CTNNA1: variants seen among roughly 807,000 people sequenced by gnomAD.
CTNNA1 encodes the protein catenin alpha-1.
CTNNA1 carries 37 observed loss-of-function variants against 98.4 expected under a neutral mutation model. The observed-to-expected ratio is 0.38, with a 90% CI of 0.29 to 0.49. The LOEUF is 0.49. CTNNA1 is among the 20% of genes least tolerant of loss of function. The pLI is 0.95. For missense variants in CTNNA1, 761 were observed against 1,147.2 expected (o/e 0.66, Z 4.86); for synonymous variants, 404 against 413.2 (o/e 0.98, Z 0.27).
chr5:138,885,334 G>A (rs1313638455), intron 7 of CTNNA1, among the ~76,000 whole-genome samples: 1 of 152,088 alleles, frequency 6.6e-6, no homozygotes, highest in Non-Finnish European at 1.5e-5. Context: ...ATTATTTGCT[G>A]ACATGTTTTT....
intron 1 of CTNNA1, among the ~76,000 whole-genome samples, chr5:138,759,272 A>AT (rs1387494643): frequency 8.6e-5 from 13 of 152,012 alleles, no homozygotes; most frequent in Non-Finnish European, 4.4e-5. Flanking sequence ...GGTTTGCTGG[A>AT]TTTTTTTGTT....
At chr5:138,881,582 CCTT>C (rs1752918502) in intron 7 of CTNNA1, among the ~76,000 whole-genome samples, 1 of 152,194 alleles carries the variant, frequency 6.6e-6, no homozygotes, top group Admixed American at 6.5e-5. Context: ...CTCTCAGAAA[CCTT>C]CTTGGTTGTG....
At chr5:138,920,589 C>T (rs11750067) in intron 11 of CTNNA1, among the ~76,000 whole-genome samples, 39,437 of 152,148 alleles carry the variant, frequency 0.26, 5,384 homozygotes, top group Middle Eastern at 0.32. Flanking sequence ...AGGGATGCAC[C>T]CTGACTTCTT....
rs565258337 is a variant in CTNNA1 at position 138,884,379 on chromosome 5, T to C, written c.1063-1833T>C. The stretch of plus-strand genomic sequence containing the variant: ...TAGGCTTCAGATATTAGATGGCAAA[T>C]CAGATCCTAAAAGGTGCCAGATTCT... On this transcript the variant is annotated intron_variant, in intron 7 of 17. Transcript: ENST00000302763. Among the ~76,000 whole-genome samples the C allele has an allele frequency of 4.0e-4, 61 of 152,164 alleles. 1 individual carries two copies. The highest frequency in any genetic ancestry group is 7.2e-4 in the Admixed American group (11 of 15,276).
chr5:138,929,130 C>T, intron 13 of CTNNA1, 116 bp from the exon 14 acceptor site: 7 of 766,240 alleles, frequency 9.1e-6, no homozygotes, highest in Non-Finnish European at 1.7e-5. Context: ...GTTCAGAACA[C>T]TGCACATTAA....
rs1760845021 is a variant in CTNNA1 at position 138,827,541 on chromosome 5, C to T, written c.885C>T (p.Ser295=). ...FDKQIIVDPL[S]FSEERFRPSL... ...AACAAATCATTGTGGACCCCTTGAG[C>T]TTCAGCGAGGAGCGCTTTAGGCCTT... The change falls in exon 7 of 18, where the codon AGC becomes AGT. Residue 295 remains serine, a synonymous_variant. Coordinates refer to ENST00000302763, the MANE Select transcript of CTNNA1 (RefSeq NM_001903.5). The T allele has an allele frequency of 6.2e-7, 1 of 1,614,260 alleles. No individual in the cohort carries two copies. Among genetic ancestry groups the T allele is most frequent in the Non-Finnish European group, 8.5e-7 (1 of 1,180,046 alleles).
chr5:138,827,349 A>T (rs1760825582), intron 6 of CTNNA1, among the ~76,000 whole-genome samples, 166 bp from the exon 7 acceptor site: 2 of 152,148 alleles, frequency 1.3e-5, no homozygotes, highest in Non-Finnish European at 2.9e-5. Flanking sequence ...GATCAACAGT[A>T]GGCCATCTTC....
rs1238692401 is a variant in CTNNA1 at position 138,817,042 on chromosome 5, GTTGAGTTGT to G, written c.588+4753_588+4761del. The stretch of plus-strand genomic sequence containing the variant: ...AAATCAGATTATTTGAGTTTTTGCT[GTTGAGTTGT>G]TTGAGTTGTTTGTATATTCTAGATA... On this transcript the variant is annotated intron_variant, in intron 5 of 17. Coordinates refer to ENST00000302763, the MANE Select transcript of CTNNA1 (RefSeq NM_001903.5). Among the ~76,000 whole-genome samples, 11 of 152,256 alleles carry G rather than the reference GTTGAGTTGT, an allele frequency of 7.2e-5. No individual in the cohort carries two copies. In the East Asian group the frequency reaches 2.1e-3, roughly 29 times the overall value.
In CTNNA1 at chr5:138,850,210, C is replaced by T. The variant is rs186949668; in HGVS notation, c.1062+22492C>T. The stretch of plus-strand genomic sequence containing the variant: ...CATGCCCTCTTTTGGCCAAACCATC[C>T]GCAATTTGTGCTCTCCCTGTCTTCT... On this transcript the variant is annotated intron_variant, in intron 7 of 17. Transcript: ENST00000302763. 1.8e-3 allele frequency among the ~76,000 whole-genome samples: 272 copies of T among 152,266 alleles called. 1 individual carries two copies. The highest frequency in any genetic ancestry group is 2.9e-3 in the Non-Finnish European group (196 of 68,014).
chr5:138,932,251 T>G, intron 16 of CTNNA1: 1 of 1,109,544 alleles, frequency 9.0e-7, no homozygotes, highest in Non-Finnish European at 1.1e-6. Context: ...CACCCTGCCG[T>G]TTGGGGTGAG....
intron 1 of CTNNA1, among the ~76,000 whole-genome samples, chr5:138,761,021 G>A (rs569488164): frequency 1.3e-5 from 2 of 152,316 alleles, no homozygotes; most frequent in Non-Finnish European, 2.9e-5. Context: ...GTTCAGGAAC[G>A]TTCCTTGTCA....
At chr5:138,868,334 A>G (rs1764996544) in intron 7 of CTNNA1, among the ~76,000 whole-genome samples, 1 of 152,138 alleles carries the variant, frequency 6.6e-6, no homozygotes, top group South Asian at 2.1e-4. Flanking sequence ...GTAGTTTAAA[A>G]TCTTCCCTTC....
At chr5:138,931,928 A>C in intron 16 of CTNNA1, 2 of 985,440 alleles carry the variant, frequency 2.0e-6, no homozygotes, top group Non-Finnish European at 2.4e-6. Context: ...CTTTGGGTAA[A>C]GCTTTCTAGG....
In CTNNA1 at chr5:138,824,812, T is replaced by C. The variant is rs749333747; in HGVS notation, c.858+13T>C. 3.7e-6 allele frequency: 6 copies of C among 1,605,914 alleles called. No homozygotes were observed. The highest frequency in any genetic ancestry group is 3.3e-5 in the Admixed American group (2 of 59,910). On this transcript the variant is annotated intron_variant, in intron 6 of 17. Coordinates refer to ENST00000302763, the MANE Select transcript of CTNNA1 (RefSeq NM_001903.5). ...CAATAACTTTGACGTAAGTTATGCT[T>C]GGGTGGAAATTTCCAGCTCTTGACC...
At chr5:138,922,189 T>A (rs1040046756) in intron 11 of CTNNA1, among the ~76,000 whole-genome samples, 4 of 152,182 alleles carry the variant, frequency 2.6e-5, no homozygotes, top group Admixed American at 6.5e-5. Context: ...GTACCATACT[T>A]CTACTTTAAA....
intron 5 of CTNNA1, among the ~76,000 whole-genome samples, chr5:138,816,991 G>C (rs985212445): frequency 6.6e-6 from 1 of 152,162 alleles, no homozygotes; most frequent in African/African-American, 2.4e-5. Flanking sequence ...GTGACCCACC[G>C]TGCCCGGCTA....
At chr5:138,842,835 A>ATTTT (rs1762384703) in intron 7 of CTNNA1, among the ~76,000 whole-genome samples, 1 of 152,190 alleles carries the variant, frequency 6.6e-6, no homozygotes, top group Non-Finnish European at 1.5e-5. Context: ...GGCAGTTAAA[A>ATTTT]AACACCTGAC....
At position 138,827,496 on chromosome 5, in the gene CTNNA1, G is replaced by C; in HGVS notation, c.859-19G>C. 6.2e-7 allele frequency: 1 copy of C among 1,613,166 alleles called. No homozygotes were observed. Among genetic ancestry groups the C allele is most frequent in the Non-Finnish European group, 8.5e-7 (1 of 1,179,228 alleles). ...GGAACAGAGATGAGTACTAACATTC[G>C]GTAATACTTTCTCTGCAGAAACAAA... On this transcript the variant is annotated intron_variant, in intron 6 of 17. Transcript: ENST00000302763.
In CTNNA1 at chr5:138,817,219, A is replaced by AT. The variant is rs553778735; in HGVS notation, c.588+4923dup. ...TTTGTCTGTTTGAATATAACATTCC[A>AT]TTTTTTCCTGGCCTGTAGCGTTTCT... On this transcript the variant is annotated intron_variant, in intron 5 of 17. Coordinates refer to ENST00000302763, the MANE Select transcript of CTNNA1 (RefSeq NM_001903.5). 1.1e-4 allele frequency among the ~76,000 whole-genome samples: 16 copies of AT among 151,780 alleles called. No individual in the cohort carries two copies. The East Asian group carries it at 2.9e-3, about 28-fold the overall frequency.
Sources: gnomAD v4.1 joint callset for allele counts (sites outside exome capture counted in the v4.1 genomes callset) on GRCh38, gnomAD v4.1.1 for gene constraint, MANE v1.5 for transcripts, NCBI Gene and HGNC (gene_info 2026-07-23, HGNC 2026-07-21) for gene names.